IGF2BP2: variants seen among roughly 807,000 people sequenced by gnomAD.
The protein encoded by IGF2BP2 is insulin like growth factor 2 mRNA binding protein 2, also known as insulin-like growth factor 2 mRNA-binding protein 2.
In IGF2BP2, 17 loss-of-function variants were observed where a neutral mutation model predicts 75.8. The ratio of observed to expected loss-of-function variants is 0.22; its 90% CI spans 0.15 to 0.34. IGF2BP2 has a LOEUF of 0.34. IGF2BP2 is among the 10% of genes least tolerant of loss of function. The pLI is 1.00. For missense variants in IGF2BP2, 516 were observed against 772.4 expected (o/e 0.67, Z 3.93); for synonymous variants, 288 against 295.6 (o/e 0.97, Z 0.26).
At chr3:185,683,864 G>C (rs1720742736) in intron 7 of IGF2BP2, among the ~76,000 whole-genome samples, 1 of 152,174 alleles carries the variant, frequency 6.6e-6, no homozygotes, top group South Asian at 2.1e-4. Context: ...TTATAACCAA[G>C]GGAACGTGAG....
At chr3:185,730,478 A>G (rs1459247971) in intron 2 of IGF2BP2, among the ~76,000 whole-genome samples, 1 of 118,714 alleles carries the variant, frequency 8.4e-6, no homozygotes, top group Non-Finnish European at 1.6e-5. Flanking sequence ...CTTGTTTCCC[A>G]GGCTGGAGTG....
rs538441477 is a variant in IGF2BP2, at chr3:185,803,614, TC to T, written c.239+19538del. Among the ~76,000 whole-genome samples, 108 of 152,322 alleles carry T rather than the reference TC, an allele frequency of 7.1e-4. 2 individuals are homozygous for T. The South Asian group carries it at 0.016, about 23-fold the overall frequency. ...AAGTAATTAAGACATCATCCTAACTTCTTCTAGCATAGGGTGGCACCCAGAT... is the reference window on the plus strand; with the variant it reads ...AAGTAATTAAGACATCATCCTAACTTTTCTAGCATAGGGTGGCACCCAGAT... On this transcript the variant is annotated intron_variant, in intron 2 of 15. Coordinates refer to ENST00000382199, the MANE Select transcript of IGF2BP2 (RefSeq NM_006548.6).
At chr3:185,807,655 C>T (rs1739200777) in intron 2 of IGF2BP2, among the ~76,000 whole-genome samples, 1 of 152,186 alleles carries the variant, frequency 6.6e-6, no homozygotes, top group Admixed American at 6.6e-5. Flanking sequence ...AGAGTATGGG[C>T]TGGACTTCAT....
chr3:185,776,582 G>A lies in IGF2BP2; in HGVS notation c.239+46571C>T, dbSNP rs372507467. ...ACATTCAGATGGAGCTATCCAATAG[G>A]AAGGAAGTCAGAAATACAGATCTGC... On this transcript the variant is annotated intron_variant, in intron 2 of 15. Coordinates refer to ENST00000382199, the MANE Select transcript of IGF2BP2 (RefSeq NM_006548.6). 1.2e-4 allele frequency among the ~76,000 whole-genome samples: 18 copies of A among 152,286 alleles called. 1 individual carries two copies. Among genetic ancestry groups the A allele is most frequent in the South Asian group, 4.1e-4 (2 of 4,820 alleles).
At chr3:185,788,700 T>C (rs1204990184) in intron 2 of IGF2BP2, among the ~76,000 whole-genome samples, 1 of 144,136 alleles carries the variant, frequency 6.9e-6, no homozygotes, top group Non-Finnish European at 1.5e-5. Flanking sequence ...AGTCCAAAAC[T>C]GACAAACGAC....
intron 7 of IGF2BP2, among the ~76,000 whole-genome samples, chr3:185,683,567 C>A (rs1335560348): frequency 6.6e-6 from 1 of 152,058 alleles, no homozygotes. Flanking sequence ...CACCCCAACA[C>A]CTGGCTAATT....
intron 7 of IGF2BP2, among the ~76,000 whole-genome samples, chr3:185,681,471 G>A (rs1488382820): frequency 1.3e-5 from 2 of 152,190 alleles, no homozygotes; most frequent in African/African-American, 4.8e-5. Context: ...TGTGTTCATG[G>A]ATTGGAATAC....
intron 7 of IGF2BP2, among the ~76,000 whole-genome samples, chr3:185,684,091 C>T (rs1244837187): frequency 6.6e-6 from 1 of 152,184 alleles, no homozygotes; most frequent in Non-Finnish European, 1.5e-5. Context: ...GAAGAAGCTG[C>T]ATTAGAATGT....
intron 2 of IGF2BP2, among the ~76,000 whole-genome samples, chr3:185,794,630 G>A (rs1737099099): frequency 1.5e-5 from 2 of 135,126 alleles, no homozygotes; most frequent in South Asian, 5.0e-4. Flanking sequence ...TTTATTTGGA[G>A]GTCACATCTT....
At chr3:185,732,757 A>G (rs999489034) in intron 2 of IGF2BP2, among the ~76,000 whole-genome samples, 1 of 152,260 alleles carries the variant, frequency 6.6e-6, no homozygotes, top group Non-Finnish European at 1.5e-5. Flanking sequence ...TACATGACCA[A>G]GGACTTCATA....
intron 2 of IGF2BP2, among the ~76,000 whole-genome samples, chr3:185,776,231 G>A (rs1314547293): frequency 6.6e-6 from 1 of 152,130 alleles, no homozygotes; most frequent in Non-Finnish European, 1.5e-5. Context: ...TGTGAAAGAA[G>A]TGAGACTCTG....
chr3:185,723,768 C>T (rs902607513), intron 2 of IGF2BP2, among the ~76,000 whole-genome samples: 1 of 152,128 alleles, frequency 6.6e-6, no homozygotes, highest in Non-Finnish European at 1.5e-5. Flanking sequence ...GAAATCATTC[C>T]AGAAGAACAG....
At chr3:185,760,542 T>A (rs1732220182) in intron 2 of IGF2BP2, among the ~76,000 whole-genome samples, 1 of 152,178 alleles carries the variant, frequency 6.6e-6, no homozygotes, top group Admixed American at 6.6e-5. Context: ...GAGCAGTCTC[T>A]CCCTCACCAG....
intron 2 of IGF2BP2, among the ~76,000 whole-genome samples, chr3:185,756,596 A>G (rs1731652398): frequency 6.6e-6 from 1 of 152,092 alleles, no homozygotes; most frequent in Admixed American, 6.6e-5. Flanking sequence ...AAACATATCT[A>G]TAAGCTCTTA....
chr3:185,802,165 G>C (rs548956297), intron 2 of IGF2BP2, among the ~76,000 whole-genome samples: 1 of 151,846 alleles, frequency 6.6e-6, no homozygotes, highest in East Asian at 1.9e-4. Flanking sequence ...ATGTATCCCA[G>C]AACTTAAAAT....
At chr3:185,682,827 C>A (rs1720582502) in intron 7 of IGF2BP2, among the ~76,000 whole-genome samples, 1 of 152,080 alleles carries the variant, frequency 6.6e-6, no homozygotes, top group South Asian at 2.1e-4. Context: ...ACTGAAACCC[C>A]TGTGCACTGT....
intron 10 of IGF2BP2, among the ~76,000 whole-genome samples, chr3:185,663,109 C>A (rs1716737506): frequency 6.6e-6 from 1 of 152,180 alleles, no homozygotes; most frequent in African/African-American, 2.4e-5. Flanking sequence ...AATGGGAAAG[C>A]AGGTTGTAGT....
chr3:185,712,589 A>C (rs1216300321), intron 2 of IGF2BP2: 1 of 152,170 alleles, frequency 6.6e-6, no homozygotes, highest in Non-Finnish European at 1.5e-5. Context: ...CTCAGCCATG[A>C]GACAGAGAAG....
At chr3:185,653,301 T>C (rs1490065792) in intron 12 of IGF2BP2, among the ~76,000 whole-genome samples, 1 of 152,002 alleles carries the variant, frequency 6.6e-6, no homozygotes, top group Non-Finnish European at 1.5e-5. Flanking sequence ...TATTAACACA[T>C]TGTAGCAAAA....
Sources: gnomAD v4.1 joint callset for allele counts (sites outside exome capture counted in the v4.1 genomes callset) on GRCh38, gnomAD v4.1.1 for gene constraint, MANE v1.5 for transcripts, NCBI Gene and HGNC (gene_info 2026-07-23, HGNC 2026-07-21) for gene names.